The following SGTB variants were observed in gnomAD, a reference collection of about 807,000 sequenced individuals.
SGTB encodes small glutamine-rich tetratricopeptide repeat-containing protein beta.
Under a neutral mutation model 43.9 loss-of-function variants are expected in SGTB, and 19 were observed. The ratio of observed to expected loss-of-function variants is 0.43; its 90% CI spans 0.30 to 0.63. The LOEUF is 0.63. Among genes scored for constraint, SGTB ranks in the 30% least tolerant of loss-of-function variants. The pLI is 0.12. For missense variants in SGTB, 304 were observed against 358.9 expected, an observed-to-expected ratio of 0.85 and a Z score of 1.24; for synonymous variants, 116 against 117.3, an observed-to-expected ratio of 0.99 and a Z score of 0.07.
chr5:65,721,448 C>G (rs1469377363), intron 1 of SGTB, among the ~76,000 whole-genome samples: 1 of 152,162 alleles, frequency 6.6e-6, no homozygotes, highest in Non-Finnish European at 1.5e-5. Flanking sequence ...GCTGTGCTCT[C>G]GTGGACAAGC....
intron 8 of SGTB, among the ~76,000 whole-genome samples, chr5:65,678,777 T>C (rs545384984): frequency 7.2e-5 from 11 of 152,280 alleles, no homozygotes; most frequent in South Asian, 2.1e-4. Context: ...GCTGAGAGAA[T>C]TGGCTAGCCA....
chr5:65,721,621 T>A (rs1310264663), intron 1 of SGTB, among the ~76,000 whole-genome samples: 1 of 152,174 alleles, frequency 6.6e-6, no homozygotes, highest in African/African-American at 2.4e-5. Context: ...CGCTATAATG[T>A]TTATTATTTG....
In SGTB at chr5:65,668,952, C is replaced by T. The variant is rs1309540560; in HGVS notation, c.*1294G>A. ...ATTACTTCCTTTTTCAGTTTTCCCT[C>T]GTAAAACTTGTGAAGTCATTACATG... is the stretch of plus-strand genomic sequence containing the variant. On this transcript the variant is annotated 3_prime_UTR_variant, in exon 11 of 11. Coordinates refer to ENST00000381007, the MANE Select transcript of SGTB (RefSeq NM_019072.3). 2 of 151,996 alleles carry T rather than the reference C, an allele frequency of 1.3e-5. No individual in the cohort carries two copies. The highest frequency in any genetic ancestry group is 2.1e-4 in the South Asian group (1 of 4,820). The allele number at this position is 151,996 out of a possible 1,614,324, so 9.4% of individuals were successfully genotyped here.
chr5:65,689,312 C>G (rs183021315), intron 5 of SGTB, among the ~76,000 whole-genome samples: 1 of 152,238 alleles, frequency 6.6e-6, no homozygotes, highest in East Asian at 1.9e-4. Context: ...CTACTTTGCA[C>G]AGAATCTCAG....
chr5:65,719,285 C>T (rs1480791379), intron 2 of SGTB, among the ~76,000 whole-genome samples: 1 of 152,128 alleles, frequency 6.6e-6, no homozygotes, highest in Non-Finnish European at 1.5e-5. Context: ...AATGCACTCT[C>T]ACTGCAATAA....
At chr5:65,693,410 GGAAGGAGA>G (rs1757656303) in intron 5 of SGTB, among the ~76,000 whole-genome samples, 1 of 148,118 alleles carries the variant, frequency 6.8e-6, no homozygotes, top group Non-Finnish European at 1.5e-5. Context: ...AAGGAAGGAA[GGAAGGAGA>G]GAGAGAGGGA....
At chr5:65,694,990 G>A (rs1166918096) in intron 5 of SGTB, among the ~76,000 whole-genome samples, 2 of 152,004 alleles carry the variant, frequency 1.3e-5, no homozygotes, top group Non-Finnish European at 2.9e-5. Flanking sequence ...TATGCGTCAT[G>A]TTGAGGAGCT....
At chr5:65,676,482 T>C (rs1757267115) in intron 8 of SGTB, among the ~76,000 whole-genome samples, 1 of 152,124 alleles carries the variant, frequency 6.6e-6, no homozygotes, top group Admixed American at 6.5e-5. Context: ...CACACAATAA[T>C]AGTGGGAGAC....
chr5:65,673,122 A>G (rs1460798502), intron 8 of SGTB, among the ~76,000 whole-genome samples: 1 of 152,220 alleles, frequency 6.6e-6, no homozygotes, highest in East Asian at 1.9e-4. Flanking sequence ...GAAATTTAGA[A>G]CAGATCTATG....
chr5:65,676,786 C>G (rs62367744), intron 8 of SGTB, among the ~76,000 whole-genome samples: 1 of 152,006 alleles, frequency 6.6e-6, no homozygotes, highest in African/African-American at 2.4e-5. Flanking sequence ...AACAAAGATA[C>G]AACATACCAG....
intron 5 of SGTB, among the ~76,000 whole-genome samples, chr5:65,698,638 CAACA>C (rs1757755006): frequency 6.6e-6 from 1 of 151,996 alleles, no homozygotes; most frequent in Non-Finnish European, 1.5e-5. Flanking sequence ...ACTGTGCATC[CAACA>C]AAGGACTAAT....
chr5:65,699,949 C>T (rs1171982432), intron 5 of SGTB, among the ~76,000 whole-genome samples: 2 of 152,148 alleles, frequency 1.3e-5, no homozygotes, highest in East Asian at 3.8e-4. Context: ...GTATAAGCAA[C>T]CAATTGTTCC....
At chr5:65,711,642 G>A (rs1385958515) in intron 3 of SGTB, among the ~76,000 whole-genome samples, 1 of 152,200 alleles carries the variant, frequency 6.6e-6, no homozygotes, top group Non-Finnish European at 1.5e-5. Flanking sequence ...CTTATATCTT[G>A]TCATACAATA....
chr5:65,708,996 A>G (rs565085430), intron 3 of SGTB, among the ~76,000 whole-genome samples: 2 of 152,076 alleles, frequency 1.3e-5, no homozygotes, highest in African/African-American at 2.4e-5. Flanking sequence ...AGCTGAGATC[A>G]TGGCACTGTA....
intron 5 of SGTB, among the ~76,000 whole-genome samples, chr5:65,704,053 T>TAAAA (rs1404126174): frequency 7.5e-6 from 1 of 133,244 alleles, no homozygotes; most frequent in South Asian, 2.6e-4. Flanking sequence ...AAAAAAAAAA[T>TAAAA]AAATAAATAA....
At chr5:65,698,204 T>C (rs1363833058) in intron 5 of SGTB, among the ~76,000 whole-genome samples, 2 of 152,158 alleles carry the variant, frequency 1.3e-5, no homozygotes, top group Non-Finnish European at 2.9e-5. Flanking sequence ...CAAAACTCCA[T>C]GAAAGTACAG....
chr5:65,686,792 A>ATAAACACACAAT (rs1757508390), intron 5 of SGTB, among the ~76,000 whole-genome samples: 2 of 152,218 alleles, frequency 1.3e-5, no homozygotes, highest in Admixed American at 1.3e-4. Flanking sequence ...AGCACACACG[A>ATAAACACACAAT]AAACAATAAA....
chr5:65,685,599 C>CA (rs1246242651), intron 5 of SGTB, 127 bp from the exon 6 acceptor site: 2 of 662,572 alleles, frequency 3.0e-6, no homozygotes, highest in Non-Finnish European at 5.1e-6. Flanking sequence ...ATTTCTAAGT[C>CA]AAACTGTCTA....
intron 8 of SGTB, among the ~76,000 whole-genome samples, chr5:65,674,785 A>G (rs981425867): frequency 5.3e-5 from 8 of 152,172 alleles, no homozygotes; most frequent in African/African-American, 1.9e-4. Flanking sequence ...TCTTGTTACA[A>G]TGCCATAACC....
Sources: gnomAD v4.1 joint callset for allele counts (sites outside exome capture counted in the v4.1 genomes callset) on GRCh38, gnomAD v4.1.1 for gene constraint, MANE v1.5 for transcripts, NCBI Gene and HGNC (gene_info 2026-07-23, HGNC 2026-07-21) for gene names.